WDR7: variants seen among roughly 807,000 people sequenced by gnomAD.
WDR7 encodes the protein WD repeat domain 7, also known as WD repeat-containing protein 7.
WDR7 carries 46 observed loss-of-function variants against 169.4 expected under a neutral mutation model. The observed-to-expected ratio is 0.27, with a 90% CI of 0.21 to 0.35. WDR7 has a LOEUF of 0.35. WDR7 is among the 10% of genes least tolerant of loss of function. WDR7 has a pLI of 1.00. For synonymous variants in WDR7, 612 were observed against 666.8 expected (o/e 0.92, Z 1.27); for missense variants, 1,534 against 1,859.3 (o/e 0.83, Z 3.22).
At chr18:56,910,902 A>C (rs4334384) in intron 21 of WDR7, among the ~76,000 whole-genome samples, 127,198 of 152,174 alleles carry the variant, frequency 0.84, 53,336 homozygotes, top group East Asian at 0.98. Flanking sequence ...TTTCCTTTGT[A>C]ATATTCTGTT....
chr18:56,884,285 G>C (rs546535658), intron 21 of WDR7, among the ~76,000 whole-genome samples: 9 of 152,104 alleles, frequency 5.9e-5, no homozygotes, highest in Admixed American at 3.9e-4. Context: ...TCATATGTTT[G>C]TTGGCCATTT....
intron 13 of WDR7, among the ~76,000 whole-genome samples, chr18:56,724,046 A>G (rs1016590481): frequency 6.0e-5 from 9 of 151,146 alleles, no homozygotes; most frequent in Non-Finnish European, 8.8e-5. Context: ...AATATCTTCT[A>G]TTTCTCTATG....
intron 26 of WDR7, among the ~76,000 whole-genome samples, chr18:56,998,271 G>A (rs575006085): frequency 6.6e-6 from 1 of 152,260 alleles, no homozygotes; most frequent in South Asian, 2.1e-4. Context: ...TGGGAGCTGT[G>A]CTCGTTCCCC....
chr18:56,749,747 A>G (rs141069531), intron 14 of WDR7, among the ~76,000 whole-genome samples: 2,204 of 152,134 alleles, frequency 0.014, 110 homozygotes, highest in Admixed American at 0.094. Flanking sequence ...TGAATGGTGG[A>G]AGAGTACAAT....
intron 26 of WDR7, among the ~76,000 whole-genome samples, chr18:56,982,204 A>G (rs2047656280): frequency 6.6e-6 from 1 of 152,196 alleles, no homozygotes; most frequent in Non-Finnish European, 1.5e-5. Context: ...AAATAGGGCC[A>G]CTTGTCCAGG....
chr18:56,781,920 C>G, intron 19 of WDR7: 1 of 249,714 alleles, frequency 4.0e-6, no homozygotes, highest in Non-Finnish European at 7.5e-6. Flanking sequence ...ATCAAACATC[C>G]TACTCTAGTA....
intron 21 of WDR7, among the ~76,000 whole-genome samples, chr18:56,906,359 C>T (rs1599146347): frequency 6.6e-6 from 1 of 151,444 alleles, no homozygotes; most frequent in East Asian, 1.9e-4. Flanking sequence ...TTGGAAGAGA[C>T]AGATGTAAAT....
At chr18:56,689,926 A>G in intron 7 of WDR7, among the ~76,000 whole-genome samples, 1 of 152,064 alleles carries the variant, frequency 6.6e-6, no homozygotes. Context: ...ACTGATAAAT[A>G]TTATAAGAAA....
chr18:56,664,987 A>T (rs1481874824), intron 1 of WDR7, among the ~76,000 whole-genome samples: 1 of 152,158 alleles, frequency 6.6e-6, no homozygotes, highest in East Asian at 1.9e-4. Context: ...CATATGTACA[A>T]CTTTAAAACA....
intron 21 of WDR7, among the ~76,000 whole-genome samples, chr18:56,900,082 G>GTGTATATATATATATATA (rs1409730889): frequency 4.1e-4 from 13 of 32,044 alleles, no homozygotes; most frequent in Admixed American, 1.1e-3. Context: ...GTGTGTGTGT[G>GTGTATATATATATATATA]TATATATATA....
At chr18:56,899,333 T>C (rs1302828682) in intron 21 of WDR7, among the ~76,000 whole-genome samples, 1 of 152,126 alleles carries the variant, frequency 6.6e-6, no homozygotes. Context: ...CTCTAATTCA[T>C]TATTTTAAAT....
rs116172553 is a variant in WDR7, at chr18:56,689,034, T to C, written c.717+2060T>C. Among the ~76,000 whole-genome samples the C allele has an allele frequency of 2.6e-3, 403 of 152,168 alleles. 5 individuals are homozygous for C. The highest frequency in any genetic ancestry group is 9.2e-3 in the African/African-American group (384 of 41,538). Reference sequence around the variant, plus strand: ...AAACTACGGAACACTCAGCAGGAAATTGGACAAAAATATTTCACAAAAGAT... The same window carrying C: ...AAACTACGGAACACTCAGCAGGAAACTGGACAAAAATATTTCACAAAAGAT... On this transcript the variant is annotated intron_variant, in intron 7 of 27. Coordinates refer to ENST00000254442, the MANE Select transcript of WDR7 (RefSeq NM_015285.3).
Position 56,679,405 on chromosome 18 carries a change from A to G in WDR7, c.233A>G (p.Asp78Gly), listed in dbSNP as rs769129851. 9 of 1,612,044 alleles carry G rather than the reference A, an allele frequency of 5.6e-6. No homozygotes were observed. In the Admixed American group the frequency reaches 8.3e-5, roughly 15 times the overall value. Residue 78 changes from aspartate to glycine, a missense_variant, in exon 3 of 28, where the codon GAC becomes GGC. By Grantham distance (94) the Asp-to-Gly change is moderately conservative. Transcript: ENST00000254442. ...TCLSKACASS[D>G]KQYIVSASES... is the part of the protein sequence containing the mutation. ...TTGTCTAAAGCTTGTGCTTCCAGTGACAAACAGTATATTGTGAGTGCATCT... is the reference window on the plus strand; with the variant it reads ...TTGTCTAAAGCTTGTGCTTCCAGTGGCAAACAGTATATTGTGAGTGCATCT...
intron 25 of WDR7, among the ~76,000 whole-genome samples, chr18:56,945,085 C>T (rs1401401869): frequency 6.6e-6 from 1 of 152,106 alleles, no homozygotes; most frequent in Admixed American, 6.5e-5. Flanking sequence ...CTTAAAACAT[C>T]CACTTACCCT....
At chr18:56,905,641 A>C (rs910719359) in intron 21 of WDR7, among the ~76,000 whole-genome samples, 6 of 138,668 alleles carry the variant, frequency 4.3e-5, no homozygotes, top group Non-Finnish European at 9.6e-5. Flanking sequence ...ATATATATAT[A>C]TCATATGAAA....
In WDR7 at chr18:56,692,903, T is replaced by C. The variant is rs545733604; in HGVS notation, c.966+1086T>C. ...GGGCGACATAGTGAGACCCCATCTCTACAAAAAAAAAAATTAGCATGGTGT... is the reference window on the plus strand; with the variant it reads ...GGGCGACATAGTGAGACCCCATCTCCACAAAAAAAAAAATTAGCATGGTGT... On this transcript the variant is annotated intron_variant, in intron 9 of 27. Coordinates refer to ENST00000254442, the MANE Select transcript of WDR7 (RefSeq NM_015285.3). Among the ~76,000 whole-genome samples the C allele has an allele frequency of 3.3e-5, 5 of 150,268 alleles. No homozygotes were observed. In the East Asian group the frequency reaches 9.7e-4, roughly 29 times the overall value.
At chr18:56,865,069 G>A (rs904843566) in intron 20 of WDR7, among the ~76,000 whole-genome samples, 2 of 151,996 alleles carry the variant, frequency 1.3e-5, no homozygotes, top group African/African-American at 2.4e-5. Flanking sequence ...ATATTTTGCA[G>A]TCTTTTTTGA....
chr18:57,032,801 T>TTATTTTTATATATATATATA (rs1210749361), downstream of WDR7: 2 of 106,190 alleles, frequency 1.9e-5, no homozygotes, highest in African/African-American at 6.4e-5. Context: ...TATAATTATT[T>TTATTTTTATATATATATATA]TATATATATA....
In WDR7 at chr18:56,679,328, C is replaced by T. The variant is rs376010097; in HGVS notation, c.160-4C>T. 12 of 1,603,654 alleles carry T rather than the reference C, an allele frequency of 7.5e-6. No homozygotes were observed. Among genetic ancestry groups the T allele is most frequent in the Non-Finnish European group, 1.0e-5 (12 of 1,173,248 alleles). On this transcript the variant is annotated splice_region_variant and splice_polypyrimidine_tract_variant and intron_variant, in intron 2 of 27. Transcript: ENST00000254442. ...CTTAAACTAGCATATTTTTGCATTT[C>T]TAGATTAATCCTCGAGCACTGTTGT... is the stretch of plus-strand genomic sequence containing the variant.
Sources: allele counts gnomAD v4.1 joint callset (sites outside exome capture counted in the v4.1 genomes callset), GRCh38; gene constraint gnomAD v4.1.1; transcripts MANE v1.5; gene names NCBI Gene and HGNC (gene_info 2026-07-23, HGNC 2026-07-21).